Variants in VWC2 observed in about 807,000 individuals in gnomAD.
VWC2 encodes von Willebrand factor C domain containing 2, also known as brorin.
A neutral mutation model predicts 29.8 loss-of-function variants in VWC2; 14 were observed. That is an observed-to-expected ratio of 0.47 (90% CI 0.31 to 0.74). VWC2 has a LOEUF of 0.74. Ranked by LOEUF, VWC2 falls within the 30% of genes least tolerant of loss-of-function variation. The pLI is 0.05. For missense variants in VWC2, 457 were observed against 459.8 expected, an observed-to-expected ratio of 0.99 and a Z score of 0.05; for synonymous variants, 213 against 199.0, an observed-to-expected ratio of 1.07 and a Z score of -0.59.
intron 2 of VWC2, among the ~76,000 whole-genome samples, chr7:49,789,176 CAT>C (rs1174467523): frequency 4.4e-5 from 5 of 113,096 alleles, no homozygotes; most frequent in Admixed American, 8.8e-5. Context: ...TGTGTGTTAG[CAT>C]GTGTGTGGGT....
At chr7:49,853,130 C>T (rs541511910) in intron 3 of VWC2, among the ~76,000 whole-genome samples, 14 of 152,352 alleles carry the variant, frequency 9.2e-5, no homozygotes, top group African/African-American at 3.4e-4. Context: ...GGCAGGGCTG[C>T]GGGCTCTGAA....
intron 3 of VWC2, among the ~76,000 whole-genome samples, chr7:49,848,055 G>A (rs1790026173): frequency 6.6e-6 from 1 of 152,194 alleles, no homozygotes; most frequent in African/African-American, 2.4e-5. Flanking sequence ...TGGGAAGTCG[G>A]AAGCTTCTAC....
intron 3 of VWC2, among the ~76,000 whole-genome samples, chr7:49,873,413 C>T (rs1018798490): frequency 6.6e-6 from 1 of 152,162 alleles, no homozygotes; most frequent in African/African-American, 2.4e-5. Flanking sequence ...ACCATGAGTG[C>T]TCCACCCTCA....
At chr7:49,856,469 G>A (rs940862385) in intron 3 of VWC2, among the ~76,000 whole-genome samples, 1 of 152,182 alleles carries the variant, frequency 6.6e-6, no homozygotes, top group Non-Finnish European at 1.5e-5. Flanking sequence ...TGCAGATCAT[G>A]AGCCAAATAT....
intron 3 of VWC2, among the ~76,000 whole-genome samples, chr7:49,867,384 CAG>C (rs1443262190): frequency 6.6e-6 from 1 of 152,172 alleles, no homozygotes; most frequent in Admixed American, 6.5e-5. Context: ...CTCCCTAGCA[CAG>C]AGAGGACAGA....
chr7:49,876,359 G>GT (rs1193161471), intron 3 of VWC2, among the ~76,000 whole-genome samples: 6 of 152,200 alleles, frequency 3.9e-5, no homozygotes, highest in African/African-American at 1.4e-4. Context: ...CCACTTTGTG[G>GT]TTGACAAGAC....
chr7:49,848,301 G>A (rs1235107992), intron 3 of VWC2, among the ~76,000 whole-genome samples: 1 of 152,192 alleles, frequency 6.6e-6, no homozygotes, highest in East Asian at 1.9e-4. Flanking sequence ...GCCTCCCACG[G>A]CAGGGTCTTT....
chr7:49,802,920 A>C (rs1324291860), intron 3 of VWC2, 80 bp downstream of exon 3: 1 of 1,581,778 alleles, frequency 6.3e-7, no homozygotes, highest in East Asian at 2.3e-5. Flanking sequence ...GGTAGACGGG[A>C]CACATACGGA....
At chr7:49,790,080 A>T (rs118045893) in intron 2 of VWC2, among the ~76,000 whole-genome samples, 3,029 of 152,346 alleles carry the variant, frequency 0.02, 41 homozygotes, top group Non-Finnish European at 0.035. Flanking sequence ...TTCTCCTCCT[A>T]GCTGTTCTGC....
intron 2 of VWC2, among the ~76,000 whole-genome samples, chr7:49,792,809 G>T (rs1380038404): frequency 1.3e-5 from 2 of 152,174 alleles, no homozygotes; most frequent in African/African-American, 4.8e-5. Flanking sequence ...TGGGGTTTCA[G>T]TGGGAGAAGG....
chr7:49,781,519 A>C (rs1321905396), intron 2 of VWC2, among the ~76,000 whole-genome samples: 1 of 152,140 alleles, frequency 6.6e-6, no homozygotes, highest in South Asian at 2.1e-4. Flanking sequence ...TTTTTAAAGG[A>C]GAGAAAACTA....
At chr7:49,849,190 C>T (rs527893995) in intron 3 of VWC2, among the ~76,000 whole-genome samples, 58 of 152,314 alleles carry the variant, frequency 3.8e-4, no homozygotes, top group African/African-American at 1.2e-3. Context: ...CGTGAAGCCT[C>T]GGCTGTGGGG....
Position 49,838,212 on chromosome 7 carries a change from C to T in VWC2, c.826+35372C>T, listed in dbSNP as rs974502119. The stretch of plus-strand genomic sequence containing the variant: ...GAGGCAGGGCTTATAACCTCAGTAA[C>T]GTAAGTACATGCTGGGAGCACACAA... On this transcript the variant is annotated intron_variant, in intron 3 of 3. Coordinates refer to ENST00000340652, the MANE Select transcript of VWC2 (RefSeq NM_198570.5). 7.9e-5 allele frequency among the ~76,000 whole-genome samples: 12 copies of T among 152,176 alleles called. No individual in the cohort carries two copies. In the South Asian group the frequency reaches 8.3e-4, roughly 11 times the overall value.
intron 2 of VWC2, among the ~76,000 whole-genome samples, chr7:49,788,439 C>G (rs1788350230): frequency 6.8e-6 from 1 of 147,590 alleles, no homozygotes; most frequent in Non-Finnish European, 1.5e-5. Flanking sequence ...TCTGTTTTCC[C>G]CTGGCCTGTG....
chr7:49,855,691 T>C (rs1326766245), intron 3 of VWC2, among the ~76,000 whole-genome samples: 2 of 152,146 alleles, frequency 1.3e-5, no homozygotes, highest in South Asian at 2.1e-4. Context: ...AGATGGTGAA[T>C]AGTGTGAATC....
chr7:49,789,245 AGGTGTGGGAGTG>A (rs1562705449), intron 2 of VWC2, among the ~76,000 whole-genome samples: 71 of 124,786 alleles, frequency 5.7e-4, no homozygotes, highest in African/African-American at 2.1e-3. Flanking sequence ...GAAAGAGTGT[AGGTGTGGGAGTG>A]GGTGTGTGTG....
chr7:49,800,367 A>T (rs991029986), intron 2 of VWC2, among the ~76,000 whole-genome samples: 1 of 152,106 alleles, frequency 6.6e-6, no homozygotes, highest in Non-Finnish European at 1.5e-5. Context: ...CGGCGATATG[A>T]CATAGGGTGT....
intron 3 of VWC2, among the ~76,000 whole-genome samples, chr7:49,812,921 C>T (rs942352478): frequency 6.6e-6 from 1 of 152,116 alleles, no homozygotes; most frequent in South Asian, 2.1e-4. Flanking sequence ...TGCCAATAGC[C>T]TCCTACTTAT....
chr7:49,867,672 AGAG>A (rs900573274), intron 3 of VWC2, among the ~76,000 whole-genome samples: 3 of 152,192 alleles, frequency 2.0e-5, no homozygotes, highest in African/African-American at 4.8e-5. Context: ...GGCTGAAGAG[AGAG>A]GAGAATTCTG....
Sources: gnomAD v4.1 joint callset for allele counts (sites outside exome capture counted in the v4.1 genomes callset) on GRCh38, gnomAD v4.1.1 for gene constraint, MANE v1.5 for transcripts, NCBI Gene and HGNC (gene_info 2026-07-23, HGNC 2026-07-21) for gene names.